Variants in ENTREP3 observed in about 807,000 individuals in gnomAD.
The protein encoded by ENTREP3 is protein ENTREP3.
the ENTREP3 span, chr1:155,253,783 A>G: frequency 9.3e-6 from 15 of 1,609,458 alleles, no homozygotes; most frequent in Non-Finnish European, 1.1e-5. Flanking sequence ...AGTTCCACAC[A>G]TTATGGGCCT....
the ENTREP3 span, chr1:155,250,601 G>A: frequency 6.2e-7 from 1 of 1,607,860 alleles, no homozygotes; most frequent in South Asian, 1.1e-5. The surrounding 1 kb of genome is among the most constrained non-coding windows in gnomAD (Gnocchi z 5.4). Context: ...CAGCCCGTGG[G>A]GGGCGCCGTG....
chr1:155,253,786 A>G, the ENTREP3 span: 3 of 1,609,672 alleles, frequency 1.9e-6, no homozygotes, highest in Non-Finnish European at 2.5e-6. Context: ...TCCACACATT[A>G]TGGGCCTGTG....
the ENTREP3 span, chr1:155,251,432 T>C: frequency 8.9e-7 from 1 of 1,127,772 alleles, no homozygotes; most frequent in African/African-American, 1.5e-5. Context: ...ATCCAGAGGC[T>C]ACAGCCTGTT....
At chr1:155,252,420 A>G in the ENTREP3 span, among the ~76,000 whole-genome samples, 12 of 151,784 alleles carry the variant, frequency 7.9e-5, no homozygotes, top group African/African-American at 2.9e-4. Context: ...CCCAGGCTGG[A>G]GTACAATGGC....
the ENTREP3 span, chr1:155,253,724 G>A: frequency 1.9e-6 from 3 of 1,609,394 alleles, no homozygotes; most frequent in Non-Finnish European, 2.5e-6. Flanking sequence ...AGACGCTGAA[G>A]AGCAGGTTCT....
chr1:155,255,051 C>CGAGGGGCGTCACG, the ENTREP3 span: 2 of 609,090 alleles, frequency 3.3e-6, no homozygotes, highest in African/African-American at 1.9e-5. The surrounding 1 kb of genome is among the most constrained non-coding windows in gnomAD (Gnocchi z 5.6). Flanking sequence ...GGGGGCCAAG[C>CGAGGGGCGTCACG]GAGGGGCGTC....
the ENTREP3 span, chr1:155,255,166 A>T: frequency 4.0e-6 from 2 of 501,552 alleles, no homozygotes; most frequent in Non-Finnish European, 7.3e-6. This position sits in a 1 kb window ranked among gnomAD's most constrained non-coding sequence, Gnocchi z 5.6. Flanking sequence ...GCATCTCCCT[A>T]GGGAAGAGGG....
At chr1:155,247,933 C>A in the ENTREP3 span, 1 of 1,599,814 alleles carries the variant, frequency 6.3e-7, no homozygotes, top group Non-Finnish European at 8.5e-7. Flanking sequence ...TCGGCCAGGC[C>A]GGCCCCACAG....
the ENTREP3 span, chr1:155,250,522 A>T: frequency 5.3e-6 from 8 of 1,523,758 alleles, no homozygotes; most frequent in Non-Finnish European, 7.0e-6. This position sits in a 1 kb window ranked among gnomAD's most constrained non-coding sequence, Gnocchi z 5.4. Flanking sequence ...AACCGGTGGC[A>T]GCTGCGGGCA....
the ENTREP3 span, among the ~76,000 whole-genome samples, chr1:155,250,045 C>T: frequency 6.6e-6 from 1 of 150,636 alleles, no homozygotes; most frequent in East Asian, 1.9e-4. This position sits in a 1 kb window ranked among gnomAD's most constrained non-coding sequence, Gnocchi z 5.4. Context: ...GCGACAGAGC[C>T]AGAGACTCCG....
At chr1:155,247,844 C>T in the ENTREP3 span, 9 of 1,495,488 alleles carry the variant, frequency 6.0e-6, no homozygotes, top group East Asian at 1.7e-4. Context: ...GTACCACGCT[C>T]CAGCCTGCGG....
the ENTREP3 span, chr1:155,247,835 T>C: frequency 6.7e-7 from 1 of 1,485,044 alleles, no homozygotes; most frequent in Non-Finnish European, 8.9e-7. Flanking sequence ...TGGGGGCGGG[T>C]ACCACGCTCC....
At chr1:155,250,036 C>T in the ENTREP3 span, among the ~76,000 whole-genome samples, 9 of 149,596 alleles carry the variant, frequency 6.0e-5, no homozygotes, top group Non-Finnish European at 1.3e-4. The surrounding 1 kb of genome is among the most constrained non-coding windows in gnomAD (Gnocchi z 5.4). Flanking sequence ...CCAGCCTGGG[C>T]GACAGAGCCA....
the ENTREP3 span, chr1:155,250,754 C>G: frequency 1.2e-6 from 2 of 1,612,532 alleles, no homozygotes; most frequent in Middle Eastern, 1.7e-4. The surrounding 1 kb of genome is among the most constrained non-coding windows in gnomAD (Gnocchi z 5.4). Flanking sequence ...ACGAGTCCTC[C>G]GACGGGCTAG....
chr1:155,254,131 A>G, the ENTREP3 span: 1 of 1,614,102 alleles, frequency 6.2e-7, no homozygotes, highest in Non-Finnish European at 8.5e-7. This position sits in a 1 kb window ranked among gnomAD's most constrained non-coding sequence, Gnocchi z 4.4. Context: ...TTCTTACAGG[A>G]GAGAACAGAG....
At chr1:155,250,893 T>TC in the ENTREP3 span, 30 of 1,460,588 alleles carry the variant, frequency 2.1e-5, no homozygotes, top group Non-Finnish European at 2.3e-5. The surrounding 1 kb of genome is among the most constrained non-coding windows in gnomAD (Gnocchi z 5.4). Flanking sequence ...GTTCCTCTTC[T>TC]CCCAAGCCCA....
the ENTREP3 span, chr1:155,254,939 G>A: frequency 7.6e-7 from 1 of 1,307,500 alleles, no homozygotes; most frequent in Non-Finnish European, 1.1e-6. This position sits in a 1 kb window ranked among gnomAD's most constrained non-coding sequence, Gnocchi z 4.4. Flanking sequence ...GCATCTCAGA[G>A]GCGCCCAAGG....
At chr1:155,255,226 C>T in the ENTREP3 span, 1 of 397,538 alleles carries the variant, frequency 2.5e-6, no homozygotes, top group South Asian at 3.5e-5. This position sits in a 1 kb window ranked among gnomAD's most constrained non-coding sequence, Gnocchi z 5.6. Flanking sequence ...CGGCCTGGAG[C>T]CCAGGGAGGG....
At chr1:155,252,114 T>G in the ENTREP3 span, 1 of 452,514 alleles carries the variant, frequency 2.2e-6, no homozygotes, top group Non-Finnish European at 3.8e-6. Context: ...CACCCACAAA[T>G]TCCTCTTTAT....
Sources: gnomAD v4.1 joint callset for allele counts (sites outside exome capture counted in the v4.1 genomes callset) on GRCh38, gnomAD v4.1.1 for gene constraint, Gnocchi (gnomAD v3.1) non-coding constraint, MANE v1.5 for transcripts, NCBI Gene and HGNC (gene_info 2026-07-23, HGNC 2026-07-21) for gene names.